IZUMO4: variants seen among roughly 807,000 people sequenced by gnomAD.
The protein encoded by IZUMO4 is izumo sperm-egg fusion protein 4.
Under a neutral mutation model 37.1 loss-of-function variants are expected in IZUMO4, and 51 were observed. The observed-to-expected ratio is 1.38, with a 90% CI of 1.10 to 1.74. The LOEUF (loss-of-function observed/expected upper bound fraction) is 1.74, where lower values mean the gene tolerates loss of function less well. IZUMO4 is among the 40% of genes most tolerant of loss of function. The pLI, the probability that IZUMO4 is intolerant of heterozygous loss-of-function variation, is 0.00. For missense variants in IZUMO4, 364 were observed against 299.6 expected (o/e 1.21, Z -1.59); for synonymous variants, 162 against 121.4 (o/e 1.33, Z -2.20).
chr19:2,098,762 C>G (rs567206453), intron 7 of IZUMO4, 25 bp from the exon 8 acceptor site: 3 of 1,604,766 alleles, frequency 1.9e-6, no homozygotes, highest in East Asian at 2.2e-5. Flanking sequence ...CATGGAGGGG[C>G]TGACTGCCCC....
rs764487764 is a variant in IZUMO4, at chr19:2,099,261, A to G, written c.615A>G (p.Val205=). ...CAGCCTCGTCTCCCCGCAGCCTGGT[A>G]TCGCCAGCCTTAAGGTGTCTGGAGC... The part of the protein sequence containing the change: ...GTHRATPAFL[V]SPALRCLEPP... The change falls in exon 10 of 10, where the codon GTA becomes GTG. Residue 205 remains valine (V), a synonymous_variant. Coordinates refer to ENST00000395301, the MANE Select transcript of IZUMO4 (RefSeq NM_001039846.2). 1.9e-6 allele frequency: 3 copies of G among 1,613,076 alleles called. No individual in the cohort carries two copies. In the South Asian group the frequency reaches 3.3e-5, roughly 18 times the overall value.
Position 2,099,290 on chromosome 19 carries a change from C to T in IZUMO4, c.644C>T (p.Pro215Leu), listed in dbSNP as rs541183058. 3 of 1,613,580 alleles carry T rather than the reference C, an allele frequency of 1.9e-6. No individual in the cohort carries two copies. The highest frequency in any genetic ancestry group is 2.2e-5 in the East Asian group (1 of 44,876). The change falls in exon 10 of 10, where the codon CCA becomes CTA. Residue 215 changes from proline to leucine, a missense_variant. Transcript: ENST00000395301. The stretch of plus-strand genomic sequence containing the variant: ...CCAGCCTTAAGGTGTCTGGAGCCCC[C>T]ACACTTGGCCAACCTGACCTTGGAA... The part of the protein sequence containing the change: ...VSPALRCLEP[P>L]HLANLTLEDA...
chr19:2,098,392 C>T (rs2017785282), intron 6 of IZUMO4, 44 bp from the exon 7 acceptor site: 2 of 1,613,978 alleles, frequency 1.2e-6, no homozygotes, highest in East Asian at 2.2e-5. Context: ...GAACACTGGC[C>T]ACGGCCACTC....
In IZUMO4 at chr19:2,098,098, G is replaced by C; in HGVS notation, c.444G>C (p.Ser148=). 1 of 1,613,524 alleles carries C rather than the reference G, an allele frequency of 6.2e-7. No individual in the cohort carries two copies. The highest frequency in any genetic ancestry group is 8.5e-7 in the Non-Finnish European group (1 of 1,180,022). The change falls in exon 5 of 10, where the codon TCG becomes TCC. Residue 148 remains serine (S), a synonymous_variant. Coordinates refer to ENST00000395301, the MANE Select transcript of IZUMO4 (RefSeq NM_001039846.2). ...TCTCCTGCAACAACTGCACAGACTC[G>C]CACGTCGCCTGCTTTGGCTATAACT... The part of the protein sequence containing the change: ...ETISCNNCTD[S]HVACFGYNCE...
At position 2,097,641 on chromosome 19, in the gene IZUMO4, C is replaced by A. The variant is rs571553571; in HGVS notation, c.370+146C>A. On this transcript the variant is annotated intron_variant, in intron 3 of 9. Transcript: ENST00000395301. ...GCAGCTCTCCAGGGAGGGACCCAGCCTAGCACCTGAAGGATCAATGCCATC... is the reference window on the plus strand; with the variant it reads ...GCAGCTCTCCAGGGAGGGACCCAGCATAGCACCTGAAGGATCAATGCCATC... The A allele has an allele frequency of 1.4e-5, 11 of 806,832 alleles. No homozygotes were observed. The East Asian group carries it at 2.8e-4, about 20-fold the overall frequency. The allele number at this position is 806,832 out of a possible 1,614,324, so 50.0% of individuals were successfully genotyped here.
chr19:2,098,607 G>A, intron 7 of IZUMO4, 157 bp downstream of exon 7: 2 of 1,580,578 alleles, frequency 1.3e-6, no homozygotes, highest in Non-Finnish European at 1.7e-6. Context: ...GGAGGCGGCT[G>A]CAGTCCTTTT....
Position 2,099,589 on chromosome 19 carries a change from C to T in IZUMO4, c.*244C>T, listed in dbSNP as rs1446465784. 8 of 538,430 alleles carry T rather than the reference C, an allele frequency of 1.5e-5. No homozygotes were observed. Among genetic ancestry groups the T allele is most frequent in the Non-Finnish European group, 2.4e-5 (7 of 296,986 alleles). 33.4% of individuals were successfully genotyped at this position (538,430 alleles called of 1,614,324 possible). ...TTAAAGTCCCTGATGTTTCTCTTTG[C>T]AGAAGAGTTCTTGTTGGGGCAGGGG... On this transcript the variant is annotated 3_prime_UTR_variant, in exon 10 of 10. Coordinates refer to ENST00000395301, the MANE Select transcript of IZUMO4 (RefSeq NM_001039846.2).
chr19:2,099,093 C>A, intron 9 of IZUMO4, 64 bp downstream of exon 9: 1 of 1,504,166 alleles, frequency 6.6e-7, no homozygotes, highest in Non-Finnish European at 9.2e-7. Context: ...ACCAGCGTGC[C>A]GCGGCCTGCA....
At chr19:2,097,358 G>GCCCCCCCCCCCCCGGCCAC in intron 2 of IZUMO4, 26 bp downstream of exon 2, 6 of 1,602,820 alleles carry the variant, frequency 3.7e-6, no homozygotes, top group Non-Finnish European at 5.1e-6. Flanking sequence ...CCGAGGCGGG[G>GCCCCCCCCCCCCCGGCCAC]CCCCCCCACC....
In IZUMO4 at chr19:2,099,342, C is replaced by CT; in HGVS notation, c.697dup (p.Ter233LeufsTer74). On this transcript the variant is annotated frameshift_variant, in exon 10 of 10. Transcript: ENST00000395301. LOFTEE classifies it high-confidence loss of function. The stretch of plus-strand genomic sequence containing the variant: ...ATGCTGCTGAGTGTCTCAAGCAGCA[C>CT]TGACAGCAGCTGGGCCTGCCCCAGG... The CT allele has an allele frequency of 6.2e-7, 1 of 1,610,192 alleles. No homozygotes were observed. Among genetic ancestry groups the CT allele is most frequent in the Non-Finnish European group, 8.5e-7 (1 of 1,177,918 alleles).
At chr19:2,098,854 G>T (rs2017809781) in intron 8 of IZUMO4, 50 bp downstream of exon 8, 18 of 1,574,928 alleles carry the variant, frequency 1.1e-5, no homozygotes, top group Non-Finnish European at 1.4e-5. Flanking sequence ...AAGGGAGAGA[G>T]GAGGGGGGCT....
At position 2,099,585 on chromosome 19, in the gene IZUMO4, T is replaced by G; in HGVS notation, c.*240T>G. 3.7e-6 allele frequency: 2 copies of G among 545,060 alleles called. No homozygotes were observed. 33.8% of individuals were successfully genotyped at this position (545,060 alleles called of 1,614,324 possible). A position where few individuals can be genotyped will look rare whatever the true frequency, so the allele number is the denominator to read the frequency against. ...GTGATTAAAGTCCCTGATGTTTCTC[T>G]TTGCAGAAGAGTTCTTGTTGGGGCA... is the stretch of plus-strand genomic sequence containing the variant. On this transcript the variant is annotated 3_prime_UTR_variant, in exon 10 of 10. Transcript: ENST00000395301.
At position 2,096,963 on chromosome 19, in the gene IZUMO4, C is replaced by T. The variant is rs763022810; in HGVS notation, c.18C>T (p.Cys6=). 7.0e-5 allele frequency: 113 copies of T among 1,606,886 alleles called. No homozygotes were observed. The South Asian group carries it at 1.0e-3, about 15-fold the overall frequency. MALLL[C]LVCLTAALAH... ...GGACGGGCATGGCCCTGCTGCTGTG[C>T]CTGGTGTGCCTGACGGCGGCGCTGG... Residue 6 remains cysteine, a synonymous_variant, in exon 1 of 10, where the codon TGC becomes TGT. Transcript: ENST00000395301.
chr19:2,098,183 C>T, intron 5 of IZUMO4, 56 bp downstream of exon 5: 1 of 1,611,324 alleles, frequency 6.2e-7, no homozygotes, highest in Non-Finnish European at 8.5e-7. Context: ...CCTGGGGTCC[C>T]AGGCTCTCCT....
intron 4 of IZUMO4, 21 bp downstream of exon 4, chr19:2,097,976 G>A: frequency 6.2e-7 from 1 of 1,613,264 alleles, no homozygotes. Context: ...CTCCGTCCAG[G>A]CTGAGGGGCG....
intron 4 of IZUMO4, 33 bp from the exon 5 acceptor site, chr19:2,098,019 G>A: frequency 1.2e-6 from 2 of 1,613,190 alleles, no homozygotes; most frequent in Non-Finnish European, 1.7e-6. Flanking sequence ...TGGAGGCTGA[G>A]GGGAGCCCTG....
intron 5 of IZUMO4, 77 bp downstream of exon 5, chr19:2,098,204 T>TG (rs2017773232): frequency 6.2e-7 from 1 of 1,609,998 alleles, no homozygotes; most frequent in South Asian, 1.1e-5. Flanking sequence ...TGGAGGGGGC[T>TG]CCCCGCCTTC....
rs1467205887 is a variant in IZUMO4 at position 2,098,815 on chromosome 19, C to T, written c.554+11C>T. On this transcript the variant is annotated intron_variant, in intron 8 of 9. Coordinates refer to ENST00000395301, the MANE Select transcript of IZUMO4 (RefSeq NM_001039846.2). ...GGACACGAGCATGAGGTAAGGCCGCCCTGACCTGGACTTCAGGGGGAGGGG... is the reference window on the plus strand; with the variant it reads ...GGACACGAGCATGAGGTAAGGCCGCTCTGACCTGGACTTCAGGGGGAGGGG... 6.3e-7 allele frequency: 1 copy of T among 1,597,158 alleles called. No homozygotes were observed. The highest frequency in any genetic ancestry group is 1.1e-5 in the South Asian group (1 of 89,508).
intron 7 of IZUMO4, 140 bp downstream of exon 7, chr19:2,098,590 C>T (rs2017794396): frequency 5.0e-6 from 8 of 1,598,756 alleles, no homozygotes; most frequent in East Asian, 2.2e-5. Flanking sequence ...CAACCCAGCT[C>T]TGCGCAGGAG....
Sources: gnomAD v4.1 joint callset for allele counts on GRCh38, gnomAD v4.1.1 for gene constraint, MANE v1.5 for transcripts, NCBI Gene and HGNC (gene_info 2026-07-23, HGNC 2026-07-21) for gene names.